DAB2IP: variants seen among roughly 807,000 people sequenced by gnomAD.
DAB2IP encodes disabled homolog 2-interacting protein.
In DAB2IP, 28 loss-of-function variants were observed where a neutral mutation model predicts 107.2. That is an observed-to-expected ratio of 0.26 (90% CI 0.19 to 0.36). DAB2IP has a LOEUF of 0.36. Among genes scored for constraint, DAB2IP ranks in the 10% least tolerant of loss-of-function variants. The pLI is 1.00. For synonymous variants in DAB2IP, 755 were observed against 706.4 expected (o/e 1.07, Z -1.09); for missense variants, 1,400 against 1,644.7 (o/e 0.85, Z 2.57).
At chr9:121,567,332 G>C (rs752719524) in intron 1 of DAB2IP, 166 of 1,544,150 alleles carry the variant, frequency 1.1e-4, no homozygotes, top group Non-Finnish European at 1.4e-4. Flanking sequence ...AGGCAGTCAG[G>C]CATCTGGGCA....
chr9:121,784,076 G>T, exon 16 of DAB2IP: 1 of 163,710 alleles, frequency 6.1e-6, no homozygotes, highest in Non-Finnish European at 1.4e-5. Flanking sequence ...CCCTGAGCTC[G>T]GGGACAGGTG....
At chr9:121,781,147 T>C (rs1186473082) in intron 14 of DAB2IP, among the ~76,000 whole-genome samples, 1 of 152,162 alleles carries the variant, frequency 6.6e-6, no homozygotes, top group Non-Finnish European at 1.5e-5. Context: ...CTCTAGGGGT[T>C]TGAAGATCTA....
chr9:121,694,704 T>C (rs1829332827), intron 2 of DAB2IP, among the ~76,000 whole-genome samples: 1 of 151,916 alleles, frequency 6.6e-6, no homozygotes. Context: ...TGCTCAGTGA[T>C]ATGATGGAAG....
chr9:121,613,421 A>G (rs1831161186), intron 1 of DAB2IP, among the ~76,000 whole-genome samples: 1 of 152,182 alleles, frequency 6.6e-6, no homozygotes, highest in South Asian at 2.1e-4. Flanking sequence ...TGTTTAGTTA[A>G]TTACCAAATT....
At chr9:121,730,072 C>A (rs1589596730) in intron 3 of DAB2IP, among the ~76,000 whole-genome samples, 1 of 152,140 alleles carries the variant, frequency 6.6e-6, no homozygotes, top group African/African-American at 2.4e-5. Context: ...AACCTCCATC[C>A]TCATCTCCAC....
intron 2 of DAB2IP, among the ~76,000 whole-genome samples, chr9:121,694,805 C>T (rs532439149): frequency 6.6e-6 from 1 of 152,250 alleles, no homozygotes; most frequent in South Asian, 2.1e-4. Context: ...CACAGCTATC[C>T]ACGCCCAGCC....
In DAB2IP at chr9:121,773,098, T is replaced by C. The variant is rs528379635; in HGVS notation, c.2570T>C (p.Leu857Pro). 3.1e-6 allele frequency: 5 copies of C among 1,612,494 alleles called. No homozygotes were observed. In the South Asian group the frequency reaches 4.4e-5, roughly 14 times the overall value. Reference sequence around the variant, plus strand: ...TCAGGCTCTGAGGGCCACAGCTCCCTGAGCTCACACAGCAACAGCGAGGAG... The same window carrying C: ...TCAGGCTCTGAGGGCCACAGCTCCCCGAGCTCACACAGCAACAGCGAGGAG... Residue 857 changes from leucine to proline, a missense_variant, in exon 12 of 16, where the codon CTG (leucine) becomes CCG (proline). Physicochemically the swap from Leu to Pro is moderately conservative, Grantham distance 98 (BLOSUM62 -3). Around this residue, in one of 3 missense-constraint regions of DAB2IP, gnomAD observed 600 missense variants for 659.1 expected, o/e 0.91. Coordinates refer to ENST00000408936, the Ensembl canonical transcript of DAB2IP.
In DAB2IP at chr9:121,691,622, G is replaced by A. The variant is rs922276873; in HGVS notation, c.229-7703G>A. On this transcript the variant is annotated intron_variant, in intron 2 of 15. Coordinates refer to ENST00000408936, the Ensembl canonical transcript of DAB2IP. The stretch of plus-strand genomic sequence containing the variant: ...GAAATGGGCTAAGTTTCTTCCATGC[G>A]TGATCTCATTGAATCTTCACAACTA... Among the ~76,000 whole-genome samples the A allele has an allele frequency of 2.6e-5, 4 of 152,010 alleles. No homozygotes were observed. The South Asian group carries it at 6.3e-4, about 24-fold the overall frequency.
rs980546089 is a variant in DAB2IP at position 121,628,210 on chromosome 9, C to T, written c.41-50468C>T. Among the ~76,000 whole-genome samples, 6 of 152,234 alleles carry T rather than the reference C, an allele frequency of 3.9e-5. 1 individual carries two copies. Among genetic ancestry groups the T allele is most frequent in the African/African-American group, 1.4e-4 (6 of 41,468 alleles). On this transcript the variant is annotated intron_variant, in intron 1 of 16. Coordinates refer to the DAB2IP transcript ENST00000259371. ...TTGTTCCTGGAGCTGAGTGGAGATGCTGGCTCAGGGCTTCTCCTAGCTCAG... is the reference window on the plus strand; with the variant it reads ...TTGTTCCTGGAGCTGAGTGGAGATGTTGGCTCAGGGCTTCTCCTAGCTCAG...
chr9:121,709,008 T>G (rs909995071), intron 3 of DAB2IP, among the ~76,000 whole-genome samples: 5 of 152,162 alleles, frequency 3.3e-5, no homozygotes, highest in Admixed American at 6.5e-5. Context: ...AACCTAGGGC[T>G]GCCTTACTCT....
intron 1 of DAB2IP, chr9:121,567,277 C>G: frequency 6.2e-7 from 1 of 1,612,586 alleles, no homozygotes; most frequent in Non-Finnish European, 8.5e-7. Flanking sequence ...AGCCTCTCTG[C>G]TCAACAGACT....
At chr9:121,723,928 GC>G (rs1291799254) in intron 3 of DAB2IP, among the ~76,000 whole-genome samples, 1 of 152,172 alleles carries the variant, frequency 6.6e-6, no homozygotes, top group Non-Finnish European at 1.5e-5. Context: ...AGAGAGCCCT[GC>G]CCACCTCCCA....
chr9:121,774,175 T>C (rs1588007082), intron 12 of DAB2IP, 85 bp from the exon 13 acceptor site: 1 of 1,404,714 alleles, frequency 7.1e-7, no homozygotes, highest in Non-Finnish European at 9.4e-7. Context: ...GAGTTGCTTG[T>C]CCTTGTGGCT....
At chr9:121,605,558 G>A (rs1409820547) in intron 1 of DAB2IP, among the ~76,000 whole-genome samples, 1 of 151,950 alleles carries the variant, frequency 6.6e-6, no homozygotes, top group Non-Finnish European at 1.5e-5. Flanking sequence ...GAGTGCAGTG[G>A]CATGATCTTG....
chr9:121,757,298 G>GGCTC, intron 4 of DAB2IP, 132 bp downstream of exon 4: 1 of 1,218,154 alleles, frequency 8.2e-7, no homozygotes, highest in African/African-American at 1.5e-5. Flanking sequence ...ACAGTGGCTA[G>GGCTC]TAGTTACCGA....
At chr9:121,719,321 C>T (rs1338965367) in intron 3 of DAB2IP, among the ~76,000 whole-genome samples, 1 of 152,130 alleles carries the variant, frequency 6.6e-6, no homozygotes, top group Non-Finnish European at 1.5e-5. Context: ...AGGAGTCGGG[C>T]CATCTCTCAA....
At position 121,699,015 on chromosome 9, in the gene DAB2IP, C is replaced by T. The variant is rs1478746029; in HGVS notation, c.229-310C>T. Reference sequence around the variant, plus strand: ...CCCGGTACTCCCCCTCGCCCCGGCGCCCGGGGGGCTCGGGCAGCCTCGGCC... The same window carrying T: ...CCCGGTACTCCCCCTCGCCCCGGCGTCCGGGGGGCTCGGGCAGCCTCGGCC... On this transcript the variant is annotated intron_variant, in intron 2 of 15. Coordinates refer to ENST00000408936, the Ensembl canonical transcript of DAB2IP. The surrounding 1 kb of genome is among the most constrained non-coding windows in gnomAD (Gnocchi z 6.2). 1.3e-5 allele frequency among the ~76,000 whole-genome samples: 2 copies of T among 151,268 alleles called. No individual in the cohort carries two copies. Among genetic ancestry groups the T allele is most frequent in the Admixed American group, 6.6e-5 (1 of 15,208 alleles).
At chr9:121,741,558 C>G (rs186569697) in intron 3 of DAB2IP, among the ~76,000 whole-genome samples, 137 of 152,224 alleles carry the variant, frequency 9.0e-4, no homozygotes, top group African/African-American at 3.1e-3. Flanking sequence ...TGGGCCACAG[C>G]CCAGCCTTTC....
chr9:121,666,915 C>CACAA (rs760214305), intron 1 of DAB2IP, among the ~76,000 whole-genome samples: 2 of 131,784 alleles, frequency 1.5e-5, no homozygotes, highest in Admixed American at 7.4e-5. Context: ...CACACACACA[C>CACAA]AACACTCTTA....
Sources: allele counts gnomAD v4.1 joint callset (sites outside exome capture counted in the v4.1 genomes callset), GRCh38; gene constraint gnomAD v4.1.1; regional missense constraint gnomAD v4.1.1; non-coding constraint Gnocchi (gnomAD v3.1); transcripts MANE v1.5; gene names NCBI Gene and HGNC (gene_info 2026-07-23, HGNC 2026-07-21).